Variants in METAP1 observed in about 807,000 individuals in gnomAD.
METAP1 encodes methionyl aminopeptidase 1, also known as methionine aminopeptidase 1.
A neutral mutation model predicts 53.8 loss-of-function variants in METAP1; 28 were observed. That is an observed-to-expected ratio of 0.52 (90% CI 0.39 to 0.71). The LOEUF (loss-of-function observed/expected upper bound fraction) is 0.71, where lower values mean the gene tolerates loss of function less well. Ranked by LOEUF, METAP1 falls within the 30% of genes least tolerant of loss-of-function variation. The pLI is 0.00. For synonymous variants in METAP1, 181 were observed against 165.7 expected (o/e 1.09, Z -0.71); for missense variants, 389 against 479.8 (o/e 0.81, Z 1.77).
chr4:99,050,577 C>T (rs1166453669), intron 9 of METAP1, among the ~76,000 whole-genome samples: 2 of 152,180 alleles, frequency 1.3e-5, no homozygotes, highest in African/African-American at 4.8e-5. Flanking sequence ...AGACAGGTAC[C>T]AATCCATGGC....
rs368788218 is a variant in METAP1, at chr4:99,035,405, A to G, written c.285A>G (p.Pro95=). Residue 95 remains proline (P), a synonymous_variant, in exon 4 of 11, where the codon CCA becomes CCG. Coordinates refer to ENST00000296411, the MANE Select transcript of METAP1 (RefSeq NM_015143.3). ...TTAACTAACTTTGTTTTTAGATGCC[A>G]ACAAGGCCAGTGCCAAGTTATATTC... ...GKLRPHYPLM[P]TRPVPSYIQR... 3.7e-5 allele frequency: 57 copies of G among 1,547,036 alleles called. 1 individual carries two copies. In the African/African-American group the frequency reaches 5.8e-4, roughly 16 times the overall value.
chr4:99,005,451 G>T lies in METAP1; in HGVS notation c.114+9584G>T, dbSNP rs563460857. On this transcript the variant is annotated intron_variant, in intron 1 of 10. Transcript: ENST00000296411. The stretch of plus-strand genomic sequence containing the variant: ...ATGAGATACCACCTTACTCCAGCCA[G>T]AATGGCCATTACTAAAAAGTCAAAG... Among the ~76,000 whole-genome samples, 12 of 152,276 alleles carry T rather than the reference G, an allele frequency of 7.9e-5. No individual in the cohort carries two copies. The South Asian group carries it at 2.5e-3, about 32-fold the overall frequency.
At chr4:99,005,129 T>C (rs916589989) in intron 1 of METAP1, among the ~76,000 whole-genome samples, 1 of 152,112 alleles carries the variant, frequency 6.6e-6, no homozygotes, top group Non-Finnish European at 1.5e-5. Flanking sequence ...TCAAAATAAA[T>C]AATTGGGACA....
intron 1 of METAP1, among the ~76,000 whole-genome samples, chr4:99,019,692 C>T (rs150043404): frequency 1.1e-3 from 173 of 152,278 alleles, no homozygotes; most frequent in African/African-American, 3.9e-3. Flanking sequence ...TGTCTGTCTT[C>T]ATCCTTCTCA....
intron 4 of METAP1, among the ~76,000 whole-genome samples, chr4:99,036,982 G>A (rs2110353342): frequency 1.3e-5 from 2 of 152,042 alleles, no homozygotes; most frequent in East Asian, 3.9e-4. Flanking sequence ...GCAGCATAGT[G>A]TGTTACAAAG....
At position 98,995,801 on chromosome 4, in the gene METAP1, T is replaced by C. The variant is rs1392211551; in HGVS notation, c.48T>C (p.Ser16=). ...TGTGCGAGACAGACGGCTGCAGCAG[T>C]GAGGCCAAGCTCCAGTGTCCCACTT... ...TRVCETDGCS[S]EAKLQCPTCI... The change falls in exon 1 of 11, where the codon AGT becomes AGC. Residue 16 remains serine, a synonymous_variant. Transcript: ENST00000296411. 2 of 1,546,786 alleles carry C rather than the reference T, an allele frequency of 1.3e-6. No individual in the cohort carries two copies. Among genetic ancestry groups the C allele is most frequent in the Non-Finnish European group, 1.7e-6 (2 of 1,144,778 alleles).
intron 9 of METAP1, 95 bp downstream of exon 9, chr4:99,048,971 G>T: frequency 7.2e-7 from 1 of 1,379,738 alleles, no homozygotes; most frequent in Admixed American, 2.1e-5. Context: ...GTATTCACTA[G>T]AGTAATCTCT....
rs987779754 is a variant in METAP1, at chr4:98,995,742, C to G, written c.-12C>G. On this transcript the variant is annotated 5_prime_UTR_variant, in exon 1 of 11. Coordinates refer to ENST00000296411, the MANE Select transcript of METAP1 (RefSeq NM_015143.3). ...CTTCCTCGGTGAGGCGCTCTTCCAGCGGGCAGGCAGCATGGCGGCCGTGGA... is the reference window on the plus strand; with the variant it reads ...CTTCCTCGGTGAGGCGCTCTTCCAGGGGGCAGGCAGCATGGCGGCCGTGGA... 2.6e-6 allele frequency: 4 copies of G among 1,543,812 alleles called. No individual in the cohort carries two copies. The highest frequency in any genetic ancestry group is 2.5e-5 in the East Asian group (1 of 40,062).
chr4:99,051,829 T>C (rs976271946), intron 9 of METAP1, among the ~76,000 whole-genome samples: 1 of 152,106 alleles, frequency 6.6e-6, no homozygotes, highest in African/African-American at 2.4e-5. Flanking sequence ...TCTGCTTTAG[T>C]TTGTAACTCT....
chr4:98,996,668 C>T (rs1036887091), intron 1 of METAP1, among the ~76,000 whole-genome samples: 2 of 152,098 alleles, frequency 1.3e-5, no homozygotes, highest in Admixed American at 6.6e-5. Flanking sequence ...TGCAGTAGAG[C>T]AAACCCAGCG....
At chr4:99,038,939 T>C (rs183659654) in intron 4 of METAP1, among the ~76,000 whole-genome samples, 1 of 152,308 alleles carries the variant, frequency 6.6e-6, no homozygotes, top group African/African-American at 2.4e-5. Flanking sequence ...AAACTGGAGA[T>C]TGAAAAACAC....
At chr4:99,057,114 C>A (rs1405703345) in intron 9 of METAP1, among the ~76,000 whole-genome samples, 2 of 152,232 alleles carry the variant, frequency 1.3e-5, no homozygotes, top group Non-Finnish European at 2.9e-5. Context: ...GGTGATCCAC[C>A]TGCCTCGGCT....
intron 2 of METAP1, among the ~76,000 whole-genome samples, chr4:99,030,009 C>T (rs183652639): frequency 1.3e-3 from 192 of 152,224 alleles, no homozygotes; most frequent in African/African-American, 3.3e-3. Flanking sequence ...TGATTTGTTA[C>T]CTCTGTCAAA....
intron 2 of METAP1, chr4:99,031,789 C>T (rs1725054005): frequency 2.5e-6 from 1 of 393,968 alleles, no homozygotes; most frequent in African/African-American, 2.1e-5. Context: ...AGGAAGCAGC[C>T]TGCATACAAC....
At chr4:99,002,346 A>G (rs1418333491) in intron 1 of METAP1, among the ~76,000 whole-genome samples, 1 of 152,216 alleles carries the variant, frequency 6.6e-6, no homozygotes, top group African/African-American at 2.4e-5. Flanking sequence ...TTCTGTATCA[A>G]ATGTTTAATG....
chr4:99,051,068 C>T (rs920231198), intron 9 of METAP1, among the ~76,000 whole-genome samples: 4 of 152,000 alleles, frequency 2.6e-5, no homozygotes, highest in African/African-American at 9.7e-5. Flanking sequence ...ATATGCATTC[C>T]CTTTCACAGA....
chr4:99,057,129 A>G (rs760591153), intron 9 of METAP1, among the ~76,000 whole-genome samples: 1 of 152,218 alleles, frequency 6.6e-6, no homozygotes, highest in Non-Finnish European at 1.5e-5. Context: ...TCGGCTTCCC[A>G]AAGTGCTGGG....
At chr4:99,009,750 T>TA (rs1318393367) in intron 1 of METAP1, among the ~76,000 whole-genome samples, 2 of 152,196 alleles carry the variant, frequency 1.3e-5, no homozygotes, top group Non-Finnish European at 2.9e-5. Context: ...GTAAGAGTCT[T>TA]AAAATATAAT....
chr4:98,998,500 G>A (rs528219383), intron 1 of METAP1, among the ~76,000 whole-genome samples: 1 of 152,102 alleles, frequency 6.6e-6, no homozygotes, highest in Admixed American at 6.6e-5. Flanking sequence ...TCTATCCTGG[G>A]CAACAGAGCA....
Sources: gnomAD v4.1 joint callset for allele counts (sites outside exome capture counted in the v4.1 genomes callset) on GRCh38, gnomAD v4.1.1 for gene constraint, MANE v1.5 for transcripts, NCBI Gene and HGNC (gene_info 2026-07-23, HGNC 2026-07-21) for gene names.